The following PTPN22 variants were observed in gnomAD, a reference collection of about 807,000 sequenced individuals.
The protein encoded by PTPN22 is protein tyrosine phosphatase non-receptor type 22.
In PTPN22, 85 loss-of-function variants were observed where a neutral mutation model predicts 103.3. That is an observed-to-expected ratio of 0.82 (90% CI 0.69 to 0.99). The LOEUF is 0.99. Among genes scored for constraint, PTPN22 ranks in the 50% least tolerant of loss-of-function variants. The pLI, the probability that PTPN22 is intolerant of heterozygous loss-of-function variation, is 0.00. For synonymous variants in PTPN22, 323 were observed against 310.2 expected, an observed-to-expected ratio of 1.04 and a Z score of -0.43; for missense variants, 865 against 936.9, an observed-to-expected ratio of 0.92 and a Z score of 1.00.
chr1:113,825,021 G>A (rs1161982047), intron 19 of PTPN22, 121 bp downstream of exon 19: 5 of 591,108 alleles, frequency 8.5e-6, no homozygotes, highest in Non-Finnish European at 1.4e-5. Context: ...TGATTCATAG[G>A]ACCCTATGGA....
At chr1:113,817,831 A>G (rs1050279477) in intron 20 of PTPN22, among the ~76,000 whole-genome samples, 1 of 152,188 alleles carries the variant, frequency 6.6e-6, no homozygotes, top group African/African-American at 2.4e-5. Flanking sequence ...ATATTAGATT[A>G]TGTAGACTGT....
intron 18 of PTPN22, among the ~76,000 whole-genome samples, chr1:113,828,777 A>T (rs996336624): frequency 6.6e-6 from 1 of 152,150 alleles, no homozygotes; most frequent in African/African-American, 2.4e-5. Context: ...CTGGGACTGC[A>T]GGCACACAGC....
At chr1:113,857,562 G>A in intron 5 of PTPN22, 176 bp downstream of exon 5, 1 of 544,208 alleles carries the variant, frequency 1.8e-6, no homozygotes. Context: ...AAACAAATAG[G>A]ATTCTTAGGA....
At chr1:113,825,251 A>C (rs1661951722) in intron 18 of PTPN22, 79 bp from the exon 19 acceptor site, 1 of 915,738 alleles carries the variant, frequency 1.1e-6, no homozygotes. Flanking sequence ...TATAGACTTA[A>C]GTGAAAAGAA....
At chr1:113,866,029 C>T (rs760168700) in intron 1 of PTPN22, among the ~76,000 whole-genome samples, 1 of 152,092 alleles carries the variant, frequency 6.6e-6, no homozygotes, top group Non-Finnish European at 1.5e-5. Flanking sequence ...AATTCAGTTC[C>T]ACCACTTACT....
intron 15 of PTPN22, 90 bp downstream of exon 15, chr1:113,834,219 G>A: frequency 7.6e-7 from 1 of 1,322,450 alleles, no homozygotes; most frequent in Admixed American, 2.0e-5. Flanking sequence ...ATGTGCTTAG[G>A]ATTTATTGAA....
chr1:113,867,936 A>G (rs1330485785), intron 1 of PTPN22, among the ~76,000 whole-genome samples: 2 of 152,228 alleles, frequency 1.3e-5, no homozygotes, highest in Non-Finnish European at 2.9e-5. Flanking sequence ...CAAGTCCCTC[A>G]TATAAAATGG....
chr1:113,822,933 T>G (rs1402516553), intron 19 of PTPN22, among the ~76,000 whole-genome samples: 1 of 152,234 alleles, frequency 6.6e-6, no homozygotes, highest in Non-Finnish European at 1.5e-5. Flanking sequence ...CACTCCAGCC[T>G]GGGCGACAGA....
At chr1:113,848,502 G>A (rs1159201994) in intron 11 of PTPN22, 38 bp downstream of exon 11, 8 of 1,607,928 alleles carry the variant, frequency 5.0e-6, no homozygotes, top group Non-Finnish European at 6.8e-6. Flanking sequence ...AAGCAAGTAT[G>A]AAAATTTTTT....
intron 9 of PTPN22, among the ~76,000 whole-genome samples, chr1:113,853,675 ATTTTAT>A (rs1387674703): frequency 6.7e-6 from 1 of 148,984 alleles, no homozygotes. Context: ...TCCTTTATGT[ATTTTAT>A]TTTTATTTTT....
chr1:113,853,927 G>A (rs1455316707), intron 9 of PTPN22, among the ~76,000 whole-genome samples: 5 of 134,920 alleles, frequency 3.7e-5, no homozygotes, highest in African/African-American at 5.8e-5. Context: ...GTGCAGTGGC[G>A]CGATCTTGGC....
At chr1:113,834,788 T>A (rs1558027609) in intron 14 of PTPN22, 122 bp downstream of exon 14, 15 of 842,096 alleles carry the variant, frequency 1.8e-5, no homozygotes. Flanking sequence ...CTTGAACTCC[T>A]GGCCTCAATG....
intron 1 of PTPN22, among the ~76,000 whole-genome samples, chr1:113,861,852 G>C (rs928205858): frequency 3.3e-5 from 5 of 152,200 alleles, no homozygotes; most frequent in African/African-American, 9.7e-5. Context: ...GGGTCATGGG[G>C]ATGGGTTTAA....
Position 113,831,685 on chromosome 1 carries a change from C to T in PTPN22, c.2053+1426G>A, listed in dbSNP as rs115850845. Among the ~76,000 whole-genome samples, 337 of 152,270 alleles carry T rather than the reference C, an allele frequency of 2.2e-3. 4 individuals carry two copies. The highest frequency in any genetic ancestry group is 7.8e-3 in the African/African-American group (322 of 41,548). ...CCCTCCTTTTTTCTCTCTGTCTATA[C>T]AAATTATTTAAAGTTCTTTCTTCCA... On this transcript the variant is annotated intron_variant, in intron 16 of 20. Transcript: ENST00000359785.
chr1:113,818,441 A>G (rs968044475), intron 20 of PTPN22, among the ~76,000 whole-genome samples: 3 of 152,210 alleles, frequency 2.0e-5, no homozygotes, highest in African/African-American at 7.2e-5. Flanking sequence ...GGGATTACAG[A>G]TGTGAGCCAC....
At chr1:113,860,907 C>A (rs748989047) in intron 1 of PTPN22, among the ~76,000 whole-genome samples, 2 of 152,084 alleles carry the variant, frequency 1.3e-5, no homozygotes, top group East Asian at 1.9e-4. Flanking sequence ...AAGCCCTTTG[C>A]GTAAGATATC....
chr1:113,834,199 T>C, intron 15 of PTPN22, 110 bp downstream of exon 15: 1 of 1,150,676 alleles, frequency 8.7e-7, no homozygotes, highest in Non-Finnish European at 1.2e-6. Context: ...CACATTGTTC[T>C]ATATTTAGTA....
chr1:113,817,622 T>G (rs1398015771), intron 20 of PTPN22, among the ~76,000 whole-genome samples: 4 of 152,066 alleles, frequency 2.6e-5, no homozygotes, highest in Admixed American at 1.3e-4. Flanking sequence ...AAAAAAACAT[T>G]TTTTTGTAGA....
intron 1 of PTPN22, among the ~76,000 whole-genome samples, chr1:113,863,493 G>A (rs1665804234): frequency 6.6e-6 from 1 of 152,198 alleles, no homozygotes; most frequent in Non-Finnish European, 1.5e-5. Flanking sequence ...AGCTTCAGAG[G>A]TGATGTGATA....
Sources: allele counts gnomAD v4.1 joint callset (sites outside exome capture counted in the v4.1 genomes callset), GRCh38; gene constraint gnomAD v4.1.1; transcripts MANE v1.5; gene names NCBI Gene and HGNC (gene_info 2026-07-23, HGNC 2026-07-21).